ZIC4: variants seen among roughly 807,000 people sequenced by gnomAD.
ZIC4 encodes zinc finger protein ZIC 4.
In ZIC4, 15 loss-of-function variants were observed where a neutral mutation model predicts 28.8. The observed-to-expected ratio is 0.52, with a 90% CI of 0.35 to 0.80. ZIC4 has a LOEUF of 0.80. Ranked by LOEUF, ZIC4 falls within the 30% of genes least tolerant of loss-of-function variation. The probability of loss-of-function intolerance (pLI) is 0.01; values close to 1 mark genes in which losing one functional copy is unlikely to be tolerated. For synonymous variants in ZIC4, 220 were observed against 198.1 expected (o/e 1.11, Z -0.93); for missense variants, 512 against 467.1 (o/e 1.10, Z -0.89).
At chr3:147,389,860 G>A (rs1193365968) in intron 4 of ZIC4, among the ~76,000 whole-genome samples, 2 of 151,996 alleles carry the variant, frequency 1.3e-5, no homozygotes, top group Non-Finnish European at 2.9e-5. Flanking sequence ...ACCCAGACAC[G>A]GCCGCCTAGG....
intron 3 of ZIC4, among the ~76,000 whole-genome samples, chr3:147,394,117 C>CCTCTCTCTCT (rs113382372): frequency 4.1e-5 from 6 of 145,114 alleles, no homozygotes; most frequent in African/African-American, 1.5e-4. Flanking sequence ...ATTTTTTTTC[C>CCTCTCTCTCT]CTCTCTCTCT....
At chr3:147,392,679 G>A (rs2086952033) in intron 3 of ZIC4, 1 of 153,842 alleles carries the variant, frequency 6.5e-6, no homozygotes, top group Non-Finnish European at 1.4e-5. Flanking sequence ...CAGGCGCTTT[G>A]GGGCTGGTTA....
Position 147,402,678 on chromosome 3 carries a change from A to C in ZIC4, c.70+50T>G, listed in dbSNP as rs542458597. 7.4e-6 allele frequency: 11 copies of C among 1,492,542 alleles called. No homozygotes were observed. In the South Asian group the frequency reaches 1.0e-4, roughly 14 times the overall value. The allele number at this position is 1,492,542 out of a possible 1,614,324, so 92.5% of individuals were successfully genotyped here. A position where few individuals can be genotyped will look rare whatever the true frequency, so the allele number is the denominator to read the frequency against. On this transcript the variant is annotated intron_variant, in intron 2 of 4. Transcript: ENST00000383075. ...TACTTAAAAAAAAAAAAGAAGAAGA[A>C]GAAGAAAAGAAACCAGCAAACCAAT...
intron 3 of ZIC4, chr3:147,392,875 C>T (rs2086955837): frequency 1.3e-5 from 2 of 152,232 alleles, no homozygotes; most frequent in South Asian, 4.1e-4. Context: ...TGGCACCTGC[C>T]ATTTCGCGGG....
In ZIC4 at chr3:147,388,874, T is replaced by G. The variant is rs190931280; in HGVS notation, c.*-15A>C. On this transcript the variant is annotated splice_polypyrimidine_tract_variant and intron_variant, in intron 4 of 4. Transcript: ENST00000383075. ...GCGGTGGACATCTGTAACAAGCAAA[T>G]GAAAAATTAAAGGCGATTAGTGGCC... 221 of 779,746 alleles carry G rather than the reference T, an allele frequency of 2.8e-4. No homozygotes were observed. The African/African-American group carries it at 3.5e-3, about 12-fold the overall frequency. The allele number at this position is 779,746 out of a possible 1,614,324, so 48.3% of individuals were successfully genotyped here.
At chr3:147,405,480 A>G in intron 1 of ZIC4, 1 of 1,537,078 alleles carries the variant, frequency 6.5e-7, no homozygotes, top group African/African-American at 1.4e-5. Flanking sequence ...ATCAACCCCA[A>G]CTTTCAGATC....
Position 147,389,036 on chromosome 3 carries a change from C to G in ZIC4, c.*-177G>C, listed in dbSNP as rs546085845. On this transcript the variant is annotated intron_variant, in intron 4 of 4. Coordinates refer to ENST00000383075, the MANE Select transcript of ZIC4 (RefSeq NM_032153.6). The stretch of plus-strand genomic sequence containing the variant: ...TAAACATTGGCAGAAGCAGCAAGTT[C>G]CGCAAATGCCCTCTGCACCTTAGTG... The G allele has an allele frequency of 9.2e-5, 57 of 619,654 alleles. No homozygotes were observed. In the African/African-American group the frequency reaches 9.4e-4, roughly 10 times the overall value. 38.4% of individuals were successfully genotyped at this position (619,654 alleles called of 1,614,324 possible). A position where few individuals can be genotyped will look rare whatever the true frequency, so the allele number is the denominator to read the frequency against.
intron 3 of ZIC4, chr3:147,393,646 C>T: frequency 6.9e-6 from 2 of 290,402 alleles, no homozygotes; most frequent in Non-Finnish European, 1.4e-5. Context: ...GCGCCATTTT[C>T]TCGCACTTGT....
At chr3:147,398,612 C>A (rs2087101962) in intron 2 of ZIC4, among the ~76,000 whole-genome samples, 1 of 152,150 alleles carries the variant, frequency 6.6e-6, no homozygotes, top group African/African-American at 2.4e-5. Flanking sequence ...CTGGCCGGGA[C>A]TCCTGCCTTG....
At chr3:147,397,057 A>G (rs1266154228) in intron 2 of ZIC4, 1 of 151,900 alleles carries the variant, frequency 6.6e-6, no homozygotes, top group African/African-American at 2.4e-5. Flanking sequence ...AAGGAAAACC[A>G]CACAAAAAAA....
intron 2 of ZIC4, among the ~76,000 whole-genome samples, chr3:147,398,351 C>T (rs1461346782): frequency 7.9e-5 from 12 of 152,312 alleles, no homozygotes; most frequent in Admixed American, 5.9e-4. Context: ...AAGTGCACGC[C>T]GCGTTTCCCC....
At chr3:147,405,490 C>G (rs2087255754) in intron 1 of ZIC4, 2 of 1,536,780 alleles carry the variant, frequency 1.3e-6, no homozygotes, top group African/African-American at 1.4e-5. Flanking sequence ...ACTTTCAGAT[C>G]CAACCTTTGA....
At chr3:147,401,409 A>G (rs2087162940) in intron 2 of ZIC4, among the ~76,000 whole-genome samples, 1 of 152,244 alleles carries the variant, frequency 6.6e-6, no homozygotes, top group Non-Finnish European at 1.5e-5. Context: ...TTATGCCCAG[A>G]TCAGGAGGTG....
chr3:147,386,055 G>A lies in ZIC4; in HGVS notation c.*2804C>T, dbSNP rs182718431. The stretch of plus-strand genomic sequence containing the variant: ...TAACAGGACACCAGGATTCAAAAGA[G>A]GAAGAGAAACATCACATTATTTATT... On this transcript the variant is annotated 3_prime_UTR_variant, in exon 5 of 5. Coordinates refer to ENST00000383075, the MANE Select transcript of ZIC4 (RefSeq NM_032153.6). The A allele has an allele frequency of 3.3e-4, 50 of 152,244 alleles. No individual in the cohort carries two copies. Among genetic ancestry groups the A allele is most frequent in the African/African-American group, 1.2e-3 (48 of 41,530 alleles). The allele number at this position is 152,244 out of a possible 1,614,324, so 9.4% of individuals were successfully genotyped here. A position where few individuals can be genotyped will look rare whatever the true frequency, so the allele number is the denominator to read the frequency against.
chr3:147,389,747 T>C (rs1388644717), intron 4 of ZIC4, among the ~76,000 whole-genome samples: 1 of 152,160 alleles, frequency 6.6e-6, no homozygotes, highest in African/African-American at 2.4e-5. Flanking sequence ...TTTACAATAT[T>C]TATTATTGTG....
chr3:147,400,085 G>A (rs2087134812), intron 2 of ZIC4, among the ~76,000 whole-genome samples: 1 of 152,144 alleles, frequency 6.6e-6, no homozygotes, highest in Non-Finnish European at 1.5e-5. Flanking sequence ...TAGGAAGCCT[G>A]GTGAGTCTGT....
At chr3:147,404,043 G>T in intron 1 of ZIC4, 1 of 1,537,168 alleles carries the variant, frequency 6.5e-7, no homozygotes, top group African/African-American at 1.4e-5. Flanking sequence ...GCTCCTTCCA[G>T]CACAAATCAG....
At chr3:147,403,864 C>G (rs1022407186) in intron 1 of ZIC4, 4 of 1,192,474 alleles carry the variant, frequency 3.4e-6, no homozygotes, top group South Asian at 3.2e-5. Context: ...CTCTCTCCCC[C>G]TCAACGTCCA....
In ZIC4 at chr3:147,405,377, G is replaced by C. The variant is rs748810164; in HGVS notation, c.-16+986C>G. 5.9e-6 allele frequency: 9 copies of C among 1,536,070 alleles called. No homozygotes were observed. The South Asian group carries it at 7.1e-5, about 12-fold the overall frequency. On this transcript the variant is annotated intron_variant, in intron 1 of 4. Transcript: ENST00000383075. ...GGAAAGCGGGGAAAACATGACCTTG[G>C]AATCCAAAGGGAGTTTCCTGAAGAC...
Sources: allele counts gnomAD v4.1 joint callset (sites outside exome capture counted in the v4.1 genomes callset), GRCh38; gene constraint gnomAD v4.1.1; transcripts MANE v1.5; gene names NCBI Gene and HGNC (gene_info 2026-07-23, HGNC 2026-07-21).